GALNT13: variants seen among roughly 807,000 people sequenced by gnomAD.
GALNT13 encodes the protein polypeptide N-acetylgalactosaminyltransferase 13, also known as UDP-GalNAc:polypeptide N-acetylgalactosaminyltransferase 13.
A neutral mutation model predicts 64.2 loss-of-function variants in GALNT13; 28 were observed. The ratio of observed to expected loss-of-function variants is 0.44; its 90% confidence interval spans 0.32 to 0.60. The LOEUF (loss-of-function observed/expected upper bound fraction) is 0.60. GALNT13 is among the 20% of genes least tolerant of loss of function. GALNT13 has a pLI of 0.05. For synonymous variants in GALNT13, 214 were observed against 224.6 expected (o/e 0.95, Z 0.42); for missense variants, 577 against 669.8 (o/e 0.86, Z 1.53).
At chr2:153,421,060 G>A in the GALNT13 span, 11 of 211,678 alleles carry the variant, frequency 5.2e-5, no homozygotes, top group South Asian at 7.2e-4. Flanking sequence ...ACATTACCAC[G>A]GTGTAATAGG....
At chr2:153,883,529 TC>T (rs1686926908) in intron 1 of GALNT13, among the ~76,000 whole-genome samples, 1 of 152,016 alleles carries the variant, frequency 6.6e-6, no homozygotes, top group Non-Finnish European at 1.5e-5. Context: ...GAAAAGTTAC[TC>T]CAGGTTGAAC....
the GALNT13 span, among the ~76,000 whole-genome samples, chr2:153,743,280 TC>T: frequency 6.6e-6 from 1 of 152,184 alleles, no homozygotes; most frequent in East Asian, 1.9e-4. Context: ...CAACACATTT[TC>T]TTTATCCATT....
At chr2:153,358,255 T>G in the GALNT13 span, among the ~76,000 whole-genome samples, 1 of 152,206 alleles carries the variant, frequency 6.6e-6, no homozygotes, top group Non-Finnish European at 1.5e-5. Flanking sequence ...AAATCCAGTA[T>G]GTATGTCTTT....
chr2:154,188,981 T>G (rs1309677782), intron 4 of GALNT13, among the ~76,000 whole-genome samples: 1 of 152,186 alleles, frequency 6.6e-6, no homozygotes, highest in East Asian at 1.9e-4. Flanking sequence ...TATTTAAATT[T>G]ACTATGCCTC....
At chr2:153,364,149 C>A in the GALNT13 span, among the ~76,000 whole-genome samples, 16 of 152,266 alleles carry the variant, frequency 1.1e-4, no homozygotes, top group Middle Eastern at 6.8e-3. Context: ...ACATGATTAT[C>A]TCAATAGATG....
the GALNT13 span, among the ~76,000 whole-genome samples, chr2:153,730,689 A>T: frequency 6.6e-6 from 1 of 151,930 alleles, no homozygotes; most frequent in African/African-American, 2.4e-5. Context: ...GGGAACTCAA[A>T]CAACTCAAGA....
chr2:153,623,934 C>T, the GALNT13 span, among the ~76,000 whole-genome samples: 2 of 151,866 alleles, frequency 1.3e-5, no homozygotes, highest in Non-Finnish European at 2.9e-5. Context: ...GCTTAAATAC[C>T]GAATTTTCTG....
At chr2:154,257,047 C>A (rs372495628) in intron 7 of GALNT13, among the ~76,000 whole-genome samples, 1 of 152,100 alleles carries the variant, frequency 6.6e-6, no homozygotes, top group African/African-American at 2.4e-5. Context: ...AGTCTCCAAT[C>A]TGAGAGAGCT....
chr2:154,444,271 A>G (rs995378459), intron 12 of GALNT13, among the ~76,000 whole-genome samples: 3 of 152,184 alleles, frequency 2.0e-5, no homozygotes, highest in Non-Finnish European at 2.9e-5. Flanking sequence ...ACCCTTAATT[A>G]CTATACTTTT....
intron 12 of GALNT13, 111 bp downstream of exon 12, chr2:154,438,837 A>G (rs1384806817): frequency 1.1e-5 from 9 of 844,324 alleles, no homozygotes; most frequent in Non-Finnish European, 1.6e-5. Context: ...GCAGAATTAG[A>G]TTTTCAAGCA....
chr2:153,602,975 T>A, the GALNT13 span, among the ~76,000 whole-genome samples: 3 of 151,868 alleles, frequency 2.0e-5, no homozygotes, highest in Non-Finnish European at 4.4e-5. Flanking sequence ...TGCTGTGAGG[T>A]TAATATTTCT....
At chr2:154,343,619 C>G (rs1695895552) in intron 9 of GALNT13, among the ~76,000 whole-genome samples, 1 of 151,978 alleles carries the variant, frequency 6.6e-6, no homozygotes, top group Non-Finnish European at 1.5e-5. Context: ...CCTTTTGTTG[C>G]ACAGTTTTTT....
At chr2:153,108,405 C>G in the GALNT13 span, among the ~76,000 whole-genome samples, 1 of 151,892 alleles carries the variant, frequency 6.6e-6, no homozygotes. Flanking sequence ...TATTTTTTAA[C>G]TCTTTATCTG....
intron 10 of GALNT13, among the ~76,000 whole-genome samples, chr2:154,404,831 TA>T (rs1699454476): frequency 2.0e-5 from 3 of 151,552 alleles, no homozygotes; most frequent in African/African-American, 7.3e-5. Flanking sequence ...AATAGAAGGG[TA>T]ATTTTTTTTT....
intron 9 of GALNT13, among the ~76,000 whole-genome samples, chr2:154,365,410 C>T (rs892610108): frequency 1.3e-5 from 2 of 152,088 alleles, no homozygotes; most frequent in African/African-American, 4.8e-5. Flanking sequence ...TTATAAATTG[C>T]CAATATTTTA....
the GALNT13 span, among the ~76,000 whole-genome samples, chr2:153,196,081 T>C: frequency 6.6e-6 from 1 of 152,164 alleles, no homozygotes; most frequent in Non-Finnish European, 1.5e-5. Context: ...CACTGACTGG[T>C]CCTTGGGCCA....
At chr2:153,971,950 C>G (rs1370742443) in intron 3 of GALNT13, among the ~76,000 whole-genome samples, 1 of 151,918 alleles carries the variant, frequency 6.6e-6, no homozygotes, top group African/African-American at 2.4e-5. Context: ...ATCCAATGAC[C>G]AGTGTCCTCA....
At chr2:154,353,518 G>T (rs978331985) in intron 9 of GALNT13, among the ~76,000 whole-genome samples, 1 of 152,062 alleles carries the variant, frequency 6.6e-6, no homozygotes, top group African/African-American at 2.4e-5. Flanking sequence ...TACATCTCTA[G>T]ACTTGTTCAT....
chr2:153,491,131 C>G, the GALNT13 span, among the ~76,000 whole-genome samples: 1 of 151,784 alleles, frequency 6.6e-6, no homozygotes, highest in African/African-American at 2.4e-5. Flanking sequence ...CATAATTTAT[C>G]TAATTAGGAG....
Sources: gnomAD v4.1 joint callset for allele counts (sites outside exome capture counted in the v4.1 genomes callset) on GRCh38, gnomAD v4.1.1 for gene constraint, MANE v1.5 for transcripts, NCBI Gene and HGNC (gene_info 2026-07-23, HGNC 2026-07-21) for gene names.